Variants in TSGA10 observed in about 807,000 individuals in gnomAD.
TSGA10 encodes testis-specific gene 10 protein.
A neutral mutation model predicts 96.6 loss-of-function variants in TSGA10; 43 were observed. The observed-to-expected ratio is 0.44, with a 90% CI of 0.35 to 0.57. The LOEUF is 0.57. Among genes scored for constraint, TSGA10 ranks in the 20% least tolerant of loss-of-function variants. TSGA10 has a pLI of 0.01. For synonymous variants in TSGA10, 229 were observed against 269.9 expected, an observed-to-expected ratio of 0.85 and a Z score of 1.48; for missense variants, 703 against 834.4, an observed-to-expected ratio of 0.84 and a Z score of 1.94.
chr2:99,002,929 G>A (rs546357173), intron 20 of TSGA10, among the ~76,000 whole-genome samples: 7 of 151,272 alleles, frequency 4.6e-5, no homozygotes, highest in African/African-American at 1.7e-4. Context: ...GTGCGATCTT[G>A]GCTCACTGCA....
chr2:99,100,657 A>T (rs2090587831), intron 10 of TSGA10, among the ~76,000 whole-genome samples: 1 of 151,710 alleles, frequency 6.6e-6, no homozygotes, highest in Non-Finnish European at 1.5e-5. Flanking sequence ...CGTCTCTACT[A>T]AAAATACAAA....
intron 1 of TSGA10, 160 bp downstream of exon 1, chr2:99,154,533 T>TA (rs1441637852): frequency 6.5e-6 from 1 of 154,444 alleles, no homozygotes; most frequent in African/African-American, 2.4e-5. Context: ...TTGGAGGAGA[T>TA]ATGTAAAGAC....
In TSGA10 at chr2:99,009,546, T is replaced by TG. The variant is rs1256191816; in HGVS notation, c.2072+8653dup. Among the ~76,000 whole-genome samples, 4 of 118,844 alleles carry TG rather than the reference T, an allele frequency of 3.4e-5. No individual in the cohort carries two copies. In the Admixed American group the frequency reaches 3.6e-4, roughly 11 times the overall value. The allele number at this position is 118,844 out of a possible 152,430, so 78.0% of individuals were successfully genotyped here. A position where few individuals can be genotyped will look rare whatever the true frequency, so the allele number is the denominator to read the frequency against. The stretch of plus-strand genomic sequence containing the variant: ...GAGATCGCACCACTGCACTCCAGCC[T>TG]GGGTGACAGAGCGAGACCCTGTCTC... On this transcript the variant is annotated intron_variant, in intron 20 of 20. Coordinates refer to ENST00000393483, the MANE Select transcript of TSGA10 (RefSeq NM_025244.4).
At chr2:99,044,678 C>T (rs973023725) in intron 16 of TSGA10, among the ~76,000 whole-genome samples, 13 of 152,060 alleles carry the variant, frequency 8.5e-5, no homozygotes, top group African/African-American at 2.2e-4. Context: ...CTGGACCAAG[C>T]GGACCAGGCA....
intron 4 of TSGA10, among the ~76,000 whole-genome samples, chr2:99,112,240 G>T (rs376121695): frequency 6.6e-6 from 1 of 152,082 alleles, no homozygotes; most frequent in South Asian, 2.1e-4. Flanking sequence ...AAAAATCTCT[G>T]CCCTCATGTA....
intron 1 of TSGA10, chr2:99,141,550 C>G (rs1327476255): frequency 1.3e-5 from 2 of 153,226 alleles, no homozygotes; most frequent in Non-Finnish European, 2.9e-5. Flanking sequence ...CCTGGCCCAT[C>G]CGCGCCGCGC....
intron 6 of TSGA10, 25 bp downstream of exon 6, chr2:99,109,364 A>G (rs1273062121): frequency 1.9e-6 from 3 of 1,612,514 alleles, no homozygotes; most frequent in Non-Finnish European, 2.5e-6. Context: ...AAACTCCAAA[A>G]TATTTGTAAG....
chr2:99,145,358 GA>G (rs2105131415), intron 1 of TSGA10, among the ~76,000 whole-genome samples: 1 of 152,170 alleles, frequency 6.6e-6, no homozygotes, highest in Admixed American at 6.5e-5. Flanking sequence ...AGGAGTTCAA[GA>G]CCAGCCTGTT....
chr2:99,098,132 T>C (rs1447578785), intron 10 of TSGA10, among the ~76,000 whole-genome samples: 1 of 152,062 alleles, frequency 6.6e-6, no homozygotes, highest in Non-Finnish European at 1.5e-5. Context: ...AAGCTTTACA[T>C]GTTTCTATTA....
intron 1 of TSGA10, chr2:99,150,628 C>A: frequency 1.2e-6 from 2 of 1,613,952 alleles, no homozygotes; most frequent in South Asian, 2.2e-5. Context: ...AGTGGATGAT[C>A]ACTTAATACG....
intron 20 of TSGA10, among the ~76,000 whole-genome samples, chr2:99,007,963 C>G (rs941188331): frequency 1.3e-5 from 2 of 152,132 alleles, no homozygotes; most frequent in African/African-American, 4.8e-5. Context: ...ATGACTGGGA[C>G]AAAGAGTCTT....
At chr2:99,037,830 C>T (rs972546076) in intron 16 of TSGA10, among the ~76,000 whole-genome samples, 1 of 151,922 alleles carries the variant, frequency 6.6e-6, no homozygotes, top group African/African-American at 2.4e-5. Context: ...CCCTGGTCAA[C>T]AAGAGCGAAA....
chr2:99,017,252 C>G (rs1422743630), intron 20 of TSGA10, among the ~76,000 whole-genome samples: 1 of 152,148 alleles, frequency 6.6e-6, no homozygotes, highest in Non-Finnish European at 1.5e-5. Flanking sequence ...ATGGAACCAG[C>G]CTAAATGCCC....
intron 10 of TSGA10, chr2:99,101,869 T>C: frequency 1.8e-6 from 1 of 553,240 alleles, no homozygotes; most frequent in Non-Finnish European, 3.3e-6. Context: ...AAAATGGTAG[T>C]TGCCAAGGAT....
chr2:99,042,838 G>C (rs2082334024), intron 16 of TSGA10, among the ~76,000 whole-genome samples: 1 of 151,880 alleles, frequency 6.6e-6, no homozygotes, highest in South Asian at 2.1e-4. Flanking sequence ...CAAGTAGCTG[G>C]GATTACAGGC....
At chr2:99,000,716 G>A (rs769488347) in intron 20 of TSGA10, among the ~76,000 whole-genome samples, 82 of 152,134 alleles carry the variant, frequency 5.4e-4, no homozygotes, top group Non-Finnish European at 6.6e-4. Context: ...GCCTCACCTG[G>A]GAAGCGCAAG....
intron 10 of TSGA10, among the ~76,000 whole-genome samples, chr2:99,097,600 G>A (rs534059968): frequency 6.6e-6 from 1 of 152,128 alleles, no homozygotes; most frequent in Non-Finnish European, 1.5e-5. Context: ...TTTCTAAGCT[G>A]ACAGAAAACA....
chr2:99,134,592 A>T lies in TSGA10; in HGVS notation c.-620-7416T>A, dbSNP rs147742804. On this transcript the variant is annotated intron_variant, in intron 1 of 20. Transcript: ENST00000393483. ...AAGCCTACTTCTGTCAATTTGTCAA[A>T]CTCATTCTCTGTCCAGTTTTGCTCC... Among the ~76,000 whole-genome samples, 884 of 151,824 alleles carry T rather than the reference A, an allele frequency of 5.8e-3. 10 individuals carry two copies. The highest frequency in any genetic ancestry group is 0.02 in the African/African-American group (848 of 41,382).
At chr2:99,035,663 G>T (rs2081556235) in intron 16 of TSGA10, among the ~76,000 whole-genome samples, 2 of 149,866 alleles carry the variant, frequency 1.3e-5, no homozygotes, top group African/African-American at 4.9e-5. Flanking sequence ...ATGGTCAACT[G>T]GTCATTCTTT....
Sources: allele counts gnomAD v4.1 joint callset (sites outside exome capture counted in the v4.1 genomes callset), GRCh38; gene constraint gnomAD v4.1.1; transcripts MANE v1.5; gene names NCBI Gene and HGNC (gene_info 2026-07-23, HGNC 2026-07-21).